CHLSN: variants seen among roughly 807,000 people sequenced by gnomAD.
The protein encoded by CHLSN is protein cholesin.
chr7:1,101,181 T>C, the CHLSN span, among the ~76,000 whole-genome samples: 1 of 152,268 alleles, frequency 6.6e-6, no homozygotes, highest in Admixed American at 6.5e-5. Context: ...CAGGCTGCGT[T>C]GCTGGGAAAC....
chr7:1,021,014 G>A, the CHLSN span, among the ~76,000 whole-genome samples: 4 of 133,266 alleles, frequency 3.0e-5, no homozygotes, highest in East Asian at 4.1e-4. Context: ...GGGGACCTTC[G>A]GGCAGGTACC....
chr7:1,023,906 T>G, the CHLSN span, among the ~76,000 whole-genome samples: 140 of 152,218 alleles, frequency 9.2e-4, no homozygotes, highest in South Asian at 6.8e-3. The surrounding 1 kb of genome is among the most constrained non-coding windows in gnomAD (Gnocchi z 5.0). Flanking sequence ...AGCGGCACCA[T>G]CACAGTTTAC....
At chr7:1,083,673 C>T in the CHLSN span, among the ~76,000 whole-genome samples, 2 of 151,854 alleles carry the variant, frequency 1.3e-5, no homozygotes, top group East Asian at 1.9e-4. Context: ...AGTGTGGAGG[C>T]GCAGACGACG....
the CHLSN span, chr7:1,093,869 T>C: frequency 2.9e-6 from 1 of 340,870 alleles, no homozygotes; most frequent in East Asian, 7.6e-5. Context: ...GGGGTGGGCA[T>C]GGGGCACTCG....
chr7:1,074,574 G>T, the CHLSN span: 25,281 of 152,380 alleles, frequency 0.17, 2,195 homozygotes, highest in African/African-American at 0.19. Context: ...AGGGCGGGGC[G>T]GGGGGCAAGG....
chr7:1,093,031 C>A, the CHLSN span: 1 of 725,430 alleles, frequency 1.4e-6, no homozygotes. Flanking sequence ...CTTAGGAAAC[C>A]TCACGACTGG....
chr7:1,070,940 T>TGC, the CHLSN span, among the ~76,000 whole-genome samples: 1 of 125,936 alleles, frequency 7.9e-6, no homozygotes, highest in African/African-American at 2.9e-5. Context: ...CACGCACACA[T>TGC]GCACACACAC....
At chr7:1,018,830 G>A in the CHLSN span, among the ~76,000 whole-genome samples, 1 of 152,158 alleles carries the variant, frequency 6.6e-6, no homozygotes, top group African/African-American at 2.4e-5. Context: ...CTACCTCGGG[G>A]GTGGGTGATA....
chr7:1,041,330 G>GGGCTCTGCACTGCGGGGAACGGGA, the CHLSN span, among the ~76,000 whole-genome samples: 1 of 65,932 alleles, frequency 1.5e-5, no homozygotes, highest in African/African-American at 7.5e-5. Flanking sequence ...GGGGAAGGGG[G>GGGCTCTGCACTGCGGGGAACGGGA]CCTGGGGTCC....
At chr7:1,054,845 A>G in the CHLSN span, among the ~76,000 whole-genome samples, 2 of 152,170 alleles carry the variant, frequency 1.3e-5, no homozygotes, top group African/African-American at 4.8e-5. Flanking sequence ...TCCGACCTGA[A>G]CCTGCCCTCG....
At chr7:1,021,609 G>A in the CHLSN span, 3 of 977,670 alleles carry the variant, frequency 3.1e-6, no homozygotes, top group Non-Finnish European at 3.6e-6. Flanking sequence ...ATGGGAGAGG[G>A]ACAATCTGCC....
chr7:980,895 G>A, the CHLSN span, among the ~76,000 whole-genome samples: 5 of 151,884 alleles, frequency 3.3e-5, no homozygotes, highest in East Asian at 5.9e-4. Flanking sequence ...TGCCGTGTTA[G>A]CCAGGATGGT....
At chr7:1,040,197 A>T in the CHLSN span, among the ~76,000 whole-genome samples, 1 of 151,426 alleles carries the variant, frequency 6.6e-6, no homozygotes. Flanking sequence ...AAAAAAAAAA[A>T]AAAAAAATCC....
At chr7:988,945 AC>A in the CHLSN span, 4 of 579,004 alleles carry the variant, frequency 6.9e-6, no homozygotes, top group East Asian at 5.9e-5. Context: ...TCCCACCCTC[AC>A]CCCCACCCCC....
the CHLSN span, among the ~76,000 whole-genome samples, chr7:1,114,572 C>T: frequency 6.6e-6 from 1 of 152,374 alleles, no homozygotes; most frequent in Admixed American, 6.5e-5. Flanking sequence ...TAACGCTGTT[C>T]CTGCTCCACA....
At chr7:1,110,708 C>T in the CHLSN span, among the ~76,000 whole-genome samples, 2 of 151,918 alleles carry the variant, frequency 1.3e-5, no homozygotes, top group Non-Finnish European at 2.9e-5. Flanking sequence ...CACAAACAGC[C>T]CAACTGGAAA....
At chr7:1,093,610 G>A in the CHLSN span, 2 of 471,114 alleles carry the variant, frequency 4.2e-6, no homozygotes, top group South Asian at 1.5e-5. Context: ...TGTGGACTGG[G>A]ACCGTGCGAG....
At chr7:1,058,307 G>T in the CHLSN span, 1 of 775,474 alleles carries the variant, frequency 1.3e-6, no homozygotes. Context: ...CGCGAGGGAA[G>T]CCCGTGGACG....
At chr7:1,019,212 C>A in the CHLSN span, among the ~76,000 whole-genome samples, 4,073 of 18,408 alleles carry the variant, frequency 0.22, 468 homozygotes, top group Middle Eastern at 0.38. Flanking sequence ...AAAAAAAAAA[C>A]GGGGGGGGGG....
Sources: allele counts gnomAD v4.1 joint callset (sites outside exome capture counted in the v4.1 genomes callset), GRCh38; gene constraint gnomAD v4.1.1; non-coding constraint Gnocchi (gnomAD v3.1); transcripts MANE v1.5; gene names NCBI Gene and HGNC (gene_info 2026-07-23, HGNC 2026-07-21).